The following PHACTR3 variants were observed in gnomAD, a reference collection of about 807,000 sequenced individuals.
PHACTR3 encodes protein phosphatase 1, regulatory subunit 123.
In PHACTR3, 16 loss-of-function variants were observed where a neutral mutation model predicts 66.8. That is an observed-to-expected ratio of 0.24 (90% CI 0.16 to 0.36). The LOEUF (loss-of-function observed/expected upper bound fraction) is 0.36. Ranked by LOEUF, PHACTR3 falls within the 10% of genes least tolerant of loss-of-function variation. The probability of loss-of-function intolerance (pLI) is 1.00; values close to 1 mark genes in which losing one functional copy is unlikely to be tolerated. For missense variants in PHACTR3, 647 were observed against 719.9 expected, an observed-to-expected ratio of 0.90 and a Z score of 1.16; for synonymous variants, 323 against 292.1, an observed-to-expected ratio of 1.11 and a Z score of -1.08.
chr20:59,641,080 AGG>A (rs2035083178), intron 1 of PHACTR3, among the ~76,000 whole-genome samples: 1 of 152,146 alleles, frequency 6.6e-6, no homozygotes, highest in African/African-American at 2.4e-5. Context: ...GGTTCTCCAG[AGG>A]AACACCATCA....
At chr20:59,835,129 G>A (rs1306967022) in intron 8 of PHACTR3, among the ~76,000 whole-genome samples, 1 of 152,160 alleles carries the variant, frequency 6.6e-6, no homozygotes, top group African/African-American at 2.4e-5. Flanking sequence ...ACAGTGCCTG[G>A]CACATAGCAA....
intron 1 of PHACTR3, among the ~76,000 whole-genome samples, chr20:59,715,570 G>T (rs2038062582): frequency 6.6e-6 from 1 of 152,166 alleles, no homozygotes; most frequent in African/African-American, 2.4e-5. Context: ...CGAAAGATAG[G>T]CCTGTCATTT....
In PHACTR3 at chr20:59,723,629, T is replaced by C. The variant is rs1345015819; in HGVS notation, c.119-19478T>C. On this transcript the variant is annotated intron_variant, in intron 1 of 12. Coordinates refer to ENST00000371015, the MANE Select transcript of PHACTR3 (RefSeq NM_080672.5). The stretch of plus-strand genomic sequence containing the variant: ...CTACGGGATCTACTCAGGAGTCAGA[T>C]GGTTATATGGTGACCCAGTCTTCGG... 3.3e-5 allele frequency among the ~76,000 whole-genome samples: 5 copies of C among 152,162 alleles called. No individual in the cohort carries two copies. In the East Asian group the frequency reaches 9.7e-4, roughly 29 times the overall value.
At chr20:59,630,647 G>C (rs1047351575) in intron 1 of PHACTR3, among the ~76,000 whole-genome samples, 1 of 152,202 alleles carries the variant, frequency 6.6e-6, no homozygotes. Flanking sequence ...GGGAGACACC[G>C]GGTGGTGCAG....
chr20:59,746,283 C>G (rs937720754), intron 2 of PHACTR3, among the ~76,000 whole-genome samples: 23 of 152,354 alleles, frequency 1.5e-4, no homozygotes, highest in Admixed American at 5.2e-4. Context: ...AACTGCCCCC[C>G]AGTCAGTCCC....
intron 8 of PHACTR3, among the ~76,000 whole-genome samples, chr20:59,817,333 C>T (rs1299496357): frequency 6.6e-6 from 1 of 152,222 alleles, no homozygotes; most frequent in African/African-American, 2.4e-5. Flanking sequence ...GGCTGCTGAC[C>T]AGCCTGGGCT....
chr20:59,685,065 C>G (rs2036811459), intron 1 of PHACTR3, among the ~76,000 whole-genome samples: 1 of 152,142 alleles, frequency 6.6e-6, no homozygotes, highest in African/African-American at 2.4e-5. Context: ...CTCCAGGGCC[C>G]CCTCTTTCAT....
Position 59,830,659 on chromosome 20 carries a change from C to T in PHACTR3, c.1329-5846C>T, listed in dbSNP as rs948641674. ...GCTCAGCACGCCAGGTGAATAATAT[C>T]AGTGCTATAGTAGTAATGATGCCAC... is the stretch of plus-strand genomic sequence containing the variant. On this transcript the variant is annotated intron_variant, in intron 8 of 12. Coordinates refer to ENST00000371015, the MANE Select transcript of PHACTR3 (RefSeq NM_080672.5). This position sits in a 1 kb window ranked among gnomAD's most constrained non-coding sequence, Gnocchi z 5.8. Among the ~76,000 whole-genome samples the T allele has an allele frequency of 5.9e-5, 9 of 152,166 alleles. No individual in the cohort carries two copies. The highest frequency in any genetic ancestry group is 2.2e-4 in the African/African-American group (9 of 41,432).
At chr20:59,585,572 TGCTCCACCAAAGG>T (rs2033001261) in intron 1 of PHACTR3, among the ~76,000 whole-genome samples, 1 of 152,222 alleles carries the variant, frequency 6.6e-6, no homozygotes, top group Admixed American at 6.5e-5. Context: ...ATGATCCATC[TGCTCCACCAAAGG>T]TAAACCCAGG....
At chr20:59,622,743 C>T (rs2034289437) in intron 1 of PHACTR3, among the ~76,000 whole-genome samples, 1 of 152,012 alleles carries the variant, frequency 6.6e-6, no homozygotes, top group East Asian at 1.9e-4. Context: ...CTGAGCCGGG[C>T]ACCAGCTCCC....
chr20:59,846,899 A>G (rs1406435838), intron 12 of PHACTR3, among the ~76,000 whole-genome samples: 2 of 152,186 alleles, frequency 1.3e-5, no homozygotes, highest in African/African-American at 4.8e-5. Context: ...AGTTCTAGAT[A>G]GTCCTAAGAA....
In PHACTR3 at chr20:59,698,165, A is replaced by C. The variant is rs1212035745; in HGVS notation, c.119-44942A>C. ...TACAATGGGACACTTGGCAATAGTT[A>C]AAAGTAATGAACTAAATTTCTATGG... On this transcript the variant is annotated intron_variant, in intron 1 of 12. Coordinates refer to ENST00000371015, the MANE Select transcript of PHACTR3 (RefSeq NM_080672.5). Among the ~76,000 whole-genome samples, 6 of 152,228 alleles carry C rather than the reference A, an allele frequency of 3.9e-5. 1 individual carries two copies.
intron 7 of PHACTR3, among the ~76,000 whole-genome samples, chr20:59,797,450 A>G (rs2041282905): frequency 6.6e-6 from 1 of 152,074 alleles, no homozygotes; most frequent in African/African-American, 2.4e-5. Flanking sequence ...ATTGTGGTAC[A>G]ATCACCTCTT....
intron 1 of PHACTR3, among the ~76,000 whole-genome samples, chr20:59,599,419 G>T (rs986694194): frequency 6.6e-6 from 1 of 152,118 alleles, no homozygotes; most frequent in Non-Finnish European, 1.5e-5. Flanking sequence ...ATAAGAAGAC[G>T]GCGGAATTGA....
At chr20:59,629,560 G>A (rs1387357347) in intron 1 of PHACTR3, among the ~76,000 whole-genome samples, 1 of 152,238 alleles carries the variant, frequency 6.6e-6, no homozygotes, top group Non-Finnish European at 1.5e-5. Context: ...TCTCTCTGTG[G>A]CTGTGAGTGG....
At chr20:59,797,779 T>TTATC in intron 7 of PHACTR3, among the ~76,000 whole-genome samples, 1 of 152,328 alleles carries the variant, frequency 6.6e-6, no homozygotes, top group African/African-American at 2.4e-5. Flanking sequence ...ATTACACTGT[T>TTATC]GCTTTTTGAG....
intron 1 of PHACTR3, among the ~76,000 whole-genome samples, chr20:59,737,267 C>A (rs1317917779): frequency 2.6e-5 from 4 of 152,156 alleles, no homozygotes; most frequent in Non-Finnish European, 5.9e-5. Context: ...CCTCGAGGCT[C>A]CCTGAGGAGG....
chr20:59,828,380 T>C (rs1157998578), intron 8 of PHACTR3, among the ~76,000 whole-genome samples: 3 of 152,230 alleles, frequency 2.0e-5, no homozygotes, highest in East Asian at 1.9e-4. Flanking sequence ...AGCGGCAGCA[T>C]TGGCATTGTG....
At chr20:59,686,926 A>G (rs1475228083) in intron 1 of PHACTR3, among the ~76,000 whole-genome samples, 2 of 142,002 alleles carry the variant, frequency 1.4e-5, no homozygotes, top group African/African-American at 2.6e-5. Flanking sequence ...GATGATTGTG[A>G]TGATGGTGGT....
Sources: allele counts gnomAD v4.1 joint callset (sites outside exome capture counted in the v4.1 genomes callset), GRCh38; gene constraint gnomAD v4.1.1; non-coding constraint Gnocchi (gnomAD v3.1); transcripts MANE v1.5; gene names NCBI Gene and HGNC (gene_info 2026-07-23, HGNC 2026-07-21).